AGO4: variants seen among roughly 807,000 people sequenced by gnomAD.
The protein encoded by AGO4 is argonaute RISC component 4.
AGO4 carries 33 observed loss-of-function variants against 104.7 expected under a neutral mutation model. The observed-to-expected ratio is 0.32, with a 90% confidence interval of 0.24 to 0.42. The LOEUF (loss-of-function observed/expected upper bound fraction) is 0.42, where lower values mean the gene tolerates loss of function less well. Ranked by LOEUF, AGO4 falls within the 10% of genes least tolerant of loss-of-function variation. The pLI is 1.00. For synonymous variants in AGO4, 331 were observed against 364.7 expected, an observed-to-expected ratio of 0.91 and a Z score of 1.05; for missense variants, 711 against 1,083.4, an observed-to-expected ratio of 0.66 and a Z score of 4.83.
In AGO4 at chr1:35,822,893, A is replaced by C. The variant is rs1475614415; in HGVS notation, c.217A>C (p.Lys73Gln). ...EVVDTMVRHF[K>Q]MQIFGDRQPG... ...AGTAGATACAATGGTGCGGCACTTC[A>C]AGATGCAAATATTTGGTGATCGGCA... The change falls in exon 3 of 18, where the codon AAG becomes CAG. Residue 73 changes from lysine to glutamine, a missense_variant. By Grantham distance (53) the Lys-to-Gln change is moderately conservative (BLOSUM62 1). Coordinates refer to ENST00000373210, the MANE Select transcript of AGO4 (RefSeq NM_017629.4). 6.2e-7 allele frequency: 1 copy of C among 1,614,002 alleles called. No individual in the cohort carries two copies. The highest frequency in any genetic ancestry group is 8.5e-7 in the Non-Finnish European group (1 of 1,180,010).
intron 1 of AGO4, among the ~76,000 whole-genome samples, chr1:35,814,282 A>C: frequency 6.6e-6 from 1 of 152,226 alleles, no homozygotes; most frequent in East Asian, 1.9e-4. Context: ...TTAGATATTG[A>C]GAAGATTAAT....
chr1:35,829,279 A>G lies in AGO4; in HGVS notation c.849-2148A>G, dbSNP rs183074512. Among the ~76,000 whole-genome samples the G allele has an allele frequency of 3.4e-3, 519 of 150,644 alleles. 1 individual carries two copies. Among genetic ancestry groups the G allele is most frequent in the Non-Finnish European group, 4.6e-3 (312 of 67,756 alleles). On this transcript the variant is annotated intron_variant, in intron 7 of 17. Coordinates refer to ENST00000373210, the MANE Select transcript of AGO4 (RefSeq NM_017629.4). The stretch of plus-strand genomic sequence containing the variant: ...GTGGTAAATTGGTATTTCATGTATT[A>G]TTTGTATTATACCATTGACTTCTTT...
chr1:35,833,132 A>G (rs995961972), intron 11 of AGO4, among the ~76,000 whole-genome samples: 1 of 152,044 alleles, frequency 6.6e-6, no homozygotes, highest in Admixed American at 6.6e-5. Context: ...ACAAAAAATC[A>G]GCCAGGCATG....
At chr1:35,846,604 G>GATATATAT (rs72414122) in intron 15 of AGO4, among the ~76,000 whole-genome samples, 11 of 140,712 alleles carry the variant, frequency 7.8e-5, no homozygotes, top group South Asian at 7.0e-4. Context: ...CTCAAAAAAA[G>GATATATAT]ATATATATAT....
At chr1:35,834,257 C>A in intron 12 of AGO4, 83 bp downstream of exon 12, 1 of 1,212,930 alleles carries the variant, frequency 8.2e-7, no homozygotes, top group South Asian at 2.7e-5. Flanking sequence ...ATGCTGCAGT[C>A]ACAAACCTCA....
rs1459882137 is a variant in AGO4 at position 35,823,803 on chromosome 1, C to CAAA, written c.306+822_306+824dup. ...TTCACCATGTTGGACAGGCTGGTGT[C>CAAA]AAACTCCTGACCCCAGGTGATCCAC... On this transcript the variant is annotated intron_variant, in intron 3 of 17. Coordinates refer to ENST00000373210, the MANE Select transcript of AGO4 (RefSeq NM_017629.4). Among the ~76,000 whole-genome samples, 11 of 150,812 alleles carry CAAA rather than the reference C, an allele frequency of 7.3e-5. No individual in the cohort carries two copies. The East Asian group carries it at 2.0e-3, about 27-fold the overall frequency.
chr1:35,811,776 T>G (rs1643516149), intron 1 of AGO4, among the ~76,000 whole-genome samples: 1 of 152,046 alleles, frequency 6.6e-6, no homozygotes, highest in African/African-American at 2.4e-5. Flanking sequence ...ATTTTTGTAT[T>G]TTTAGTAGAG....
intron 17 of AGO4, among the ~76,000 whole-genome samples, chr1:35,852,641 G>A (rs1644729617): frequency 6.6e-6 from 1 of 152,198 alleles, no homozygotes; most frequent in Admixed American, 6.5e-5. Context: ...ACAGTGGTGA[G>A]CAAGGTGGAC....
intron 7 of AGO4, 68 bp downstream of exon 7, chr1:35,826,903 T>G (rs1644034876): frequency 6.5e-7 from 1 of 1,539,532 alleles, no homozygotes; most frequent in Non-Finnish European, 8.9e-7. Flanking sequence ...TATAATTGTT[T>G]TAAGAAATTG....
In AGO4 at chr1:35,856,781, A is replaced by ATT. The variant is rs1644825360; in HGVS notation, c.*3177_*3178dup. On this transcript the variant is annotated 3_prime_UTR_variant, in exon 18 of 18. Transcript: ENST00000373210. ...CAGGAGGTGGACGGTGCAGTGAGCT[A>ATT]TTACTCCAGCCTGGGCAACAAGAGC... The ATT allele has an allele frequency of 7.3e-6, 1 of 136,364 alleles. No individual in the cohort carries two copies. The highest frequency in any genetic ancestry group is 2.7e-5 in the African/African-American group (1 of 37,300). The allele number at this position is 136,364 out of a possible 1,614,324, so 8.4% of individuals were successfully genotyped here. A position where few individuals can be genotyped will look rare whatever the true frequency, so the allele number is the denominator to read the frequency against.
At chr1:35,831,984 A>G in intron 9 of AGO4, 53 bp downstream of exon 9, 12 of 1,605,892 alleles carry the variant, frequency 7.5e-6, no homozygotes, top group Admixed American at 1.7e-5. Context: ...ACAAAAAACA[A>G]AAGAATAGAA....
chr1:35,849,841 G>A (rs1244233994), intron 15 of AGO4, among the ~76,000 whole-genome samples: 2 of 151,958 alleles, frequency 1.3e-5, no homozygotes, highest in Admixed American at 6.6e-5. Flanking sequence ...AATGTTAAAT[G>A]TTTTTTCCCT....
intron 6 of AGO4, 34 bp downstream of exon 6, chr1:35,826,094 C>T (rs1272003696): frequency 1.2e-6 from 2 of 1,609,950 alleles, no homozygotes; most frequent in Admixed American, 3.3e-5. Flanking sequence ...CTTGGAGAAG[C>T]AGCTCAGCAT....
In AGO4 at chr1:35,841,343, C is replaced by G; in HGVS notation, c.1903C>G (p.Leu635Val). 2.5e-6 allele frequency: 4 copies of G among 1,614,216 alleles called. No individual in the cohort carries two copies. Among genetic ancestry groups the G allele is most frequent in the Non-Finnish European group, 3.4e-6 (4 of 1,180,036 alleles). The change falls in exon 14 of 18, where the codon CTC (leucine) becomes GTC (valine). Residue 635 changes from leucine (L) to valine (V), a missense_variant. Transcript: ENST00000373210. The surrounding 1 kb of genome is among the most constrained non-coding windows in gnomAD (Gnocchi z 4.7). ...TSRQEISQEL[L>V]YSQEVIQDLT... ...CCGGCAGGAGATCTCCCAAGAGCTC[C>G]TCTACAGTCAAGAGGTCATCCAGGA...
At chr1:35,850,294 A>AG in intron 16 of AGO4, 36 bp downstream of exon 16, 3 of 1,534,252 alleles carry the variant, frequency 2.0e-6, no homozygotes, top group Non-Finnish European at 2.7e-6. Context: ...TTGACTTGAT[A>AG]GGGAGATGTT....
Position 35,816,865 on chromosome 1 carries a change from T to G in AGO4, c.20-17T>G. 1 of 1,540,060 alleles carries G rather than the reference T, an allele frequency of 6.5e-7. No individual in the cohort carries two copies. Among genetic ancestry groups the G allele is most frequent in the Non-Finnish European group, 8.7e-7 (1 of 1,146,194 alleles). ...GAAAAAAAAAATAGCACAGCAAATG[T>G]CTTTCAATCTCTTTAGGACCTCCGG... On this transcript the variant is annotated splice_polypyrimidine_tract_variant and intron_variant, in intron 1 of 17. Coordinates refer to ENST00000373210, the MANE Select transcript of AGO4 (RefSeq NM_017629.4).
At chr1:35,831,024 A>G (rs1321480596) in intron 7 of AGO4, among the ~76,000 whole-genome samples, 1 of 150,610 alleles carries the variant, frequency 6.6e-6, no homozygotes, top group Non-Finnish European at 1.5e-5. Context: ...GTGACTGATG[A>G]AGGTAGGAAT....
chr1:35,818,759 G>C (rs933363320), intron 2 of AGO4, among the ~76,000 whole-genome samples: 1 of 152,022 alleles, frequency 6.6e-6, no homozygotes, highest in African/African-American at 2.4e-5. Flanking sequence ...GGGGGAGAGT[G>C]ATAGGAGATG....
At chr1:35,817,147 A>G (rs1167844347) in intron 2 of AGO4, 100 bp downstream of exon 2, 13 of 1,230,292 alleles carry the variant, frequency 1.1e-5, no homozygotes, top group Non-Finnish European at 1.1e-6. Context: ...AGGCTTTGTT[A>G]TTCTCTAAGA....
Sources: allele counts gnomAD v4.1 joint callset (sites outside exome capture counted in the v4.1 genomes callset), GRCh38; gene constraint gnomAD v4.1.1; non-coding constraint Gnocchi (gnomAD v3.1); transcripts MANE v1.5; gene names NCBI Gene and HGNC (gene_info 2026-07-23, HGNC 2026-07-21).